The following GDA variants were observed in gnomAD, a reference collection of about 807,000 sequenced individuals.
GDA encodes the protein guanine deaminase, also known as cytoplasmic PSD-95 interactor.
GDA carries 18 observed loss-of-function variants against 59.6 expected under a neutral mutation model. That is an observed-to-expected ratio of 0.30 (90% CI 0.21 to 0.45). GDA has a LOEUF of 0.45. Among genes scored for constraint, GDA ranks in the 20% least tolerant of loss-of-function variants. The probability of loss-of-function intolerance (pLI) is 1.00; values close to 1 mark genes in which losing one functional copy is unlikely to be tolerated. For synonymous variants in GDA, 201 were observed against 201.1 expected (o/e 1.00, Z 0.00); for missense variants, 427 against 552.3 (o/e 0.77, Z 2.27).
rs956733279 is a variant in GDA, at chr9:72,132,507, T to C, written c.-100+17674T>C. Among the ~76,000 whole-genome samples the C allele has an allele frequency of 2.6e-5, 4 of 152,276 alleles. No homozygotes were observed. The South Asian group carries it at 6.2e-4, about 24-fold the overall frequency. ...ACAGTGAAGAGAGGGAAGACTTGTT[T>C]GGCATGTCTTCTGTCCTGCCCAATT... On this transcript the variant is annotated intron_variant, in intron 1 of 13. Coordinates refer to the GDA transcript ENST00000545168.
chr9:72,249,818 A>G lies in GDA; in HGVS notation c.*1476A>G. 1.1e-6 allele frequency: 1 copy of G among 899,630 alleles called. No homozygotes were observed. The highest frequency in any genetic ancestry group is 1.3e-6 in the Non-Finnish European group (1 of 751,830). The allele number at this position is 899,630 out of a possible 1,614,324, so 55.7% of individuals were successfully genotyped here. On this transcript the variant is annotated 3_prime_UTR_variant, in exon 14 of 14. Transcript: ENST00000358399. ...AGTAGAAACTTTATGTAATATAGCT[A>G]ACTCCGTATTTACAGAACAAAAAAA... is the stretch of plus-strand genomic sequence containing the variant.
At chr9:72,134,471 G>A (rs1215806055) in intron 1 of GDA, among the ~76,000 whole-genome samples, 2 of 150,664 alleles carry the variant, frequency 1.3e-5, no homozygotes, top group Non-Finnish European at 3.0e-5. Context: ...GTGTGATCTC[G>A]GCTCACTGCA....
chr9:72,151,760 C>A (rs892109530), intron 1 of GDA, among the ~76,000 whole-genome samples: 7 of 151,824 alleles, frequency 4.6e-5, no homozygotes, highest in African/African-American at 1.5e-4. Context: ...GGCGCCACCA[C>A]GCCCCACTGA....
At chr9:72,144,470 A>G (rs1335623101), upstream of GDA, among the ~76,000 whole-genome samples, 2 of 152,228 alleles carry the variant, frequency 1.3e-5, no homozygotes, top group Non-Finnish European at 2.9e-5. Flanking sequence ...GAGAAAATAT[A>G]TTAGTTCCAT....
At chr9:72,166,457 G>A (rs1341591330) in intron 1 of GDA, among the ~76,000 whole-genome samples, 1 of 151,824 alleles carries the variant, frequency 6.6e-6, no homozygotes, top group Non-Finnish European at 1.5e-5. Flanking sequence ...TTAGTCAGTG[G>A]GTAGAAGGGC....
At position 72,223,220 on chromosome 9, in the gene GDA, A is replaced by C; in HGVS notation, c.707A>C (p.His236Pro). 6.3e-7 allele frequency: 1 copy of C among 1,591,436 alleles called. No individual in the cohort carries two copies. Among genetic ancestry groups the C allele is most frequent in the South Asian group, 1.1e-5 (1 of 90,564 alleles). Residue 236 changes from histidine to proline, a missense_variant, in exon 7 of 14, where the codon CAC becomes CCC. His to Pro is a moderately conservative substitution (Grantham distance 77, BLOSUM62 -2). Coordinates refer to ENST00000358399, the MANE Select transcript of GDA (RefSeq NM_004293.5). ...LGNIAKTRDL[H>P]IQSHISENRD... ...AACATTGCTAAAACCCGTGATTTGC[A>C]CATTCAGGTGGGTATTCTTCTTCTC...
Position 72,149,474 on chromosome 9 carries a change from C to T in GDA, c.-86C>T. 7 of 1,499,164 alleles carry T rather than the reference C, an allele frequency of 4.7e-6. No individual in the cohort carries two copies. The highest frequency in any genetic ancestry group is 6.3e-6 in the Non-Finnish European group (7 of 1,111,032). The allele number at this position is 1,499,164 out of a possible 1,614,324, so 92.9% of individuals were successfully genotyped here. On this transcript the variant is annotated 5_prime_UTR_variant, in exon 1 of 14. Transcript: ENST00000358399. ...CCGGAGCCTGTGTCCGCCCGGCAGC[C>T]GCCCGCAGCTGCAGAGAGTCCCGCT...
chr9:72,149,734 A>C (rs1174262332), intron 1 of GDA, 52 bp downstream of exon 1: 5 of 1,527,700 alleles, frequency 3.3e-6, no homozygotes, highest in Non-Finnish European at 4.4e-6. Context: ...GATAGGTGCA[A>C]GGAACCTGGC....
downstream of GDA, among the ~76,000 whole-genome samples, chr9:72,259,081 G>A (rs1587829492): frequency 6.6e-6 from 1 of 150,580 alleles, no homozygotes; most frequent in African/African-American, 2.5e-5. Flanking sequence ...CTGGAGTGCA[G>A]TGGTACGATC....
intron 10 of GDA, among the ~76,000 whole-genome samples, chr9:72,233,592 G>T (rs927619370): frequency 6.6e-6 from 1 of 152,148 alleles, no homozygotes; most frequent in East Asian, 1.9e-4. Flanking sequence ...ATATGACCCA[G>T]CAATTTTACT....
intron 3 of GDA, among the ~76,000 whole-genome samples, chr9:72,206,444 T>C (rs1232555539): frequency 6.6e-6 from 1 of 152,198 alleles, no homozygotes; most frequent in African/African-American, 2.4e-5. Context: ...TATCTCAATT[T>C]AATTCCAGTT....
chr9:72,201,112 C>A lies in GDA; in HGVS notation c.213-1459C>A, dbSNP rs1364565699. 3.3e-5 allele frequency among the ~76,000 whole-genome samples: 5 copies of A among 151,948 alleles called. No individual in the cohort carries two copies. The South Asian group carries it at 8.3e-4, about 25-fold the overall frequency. On this transcript the variant is annotated intron_variant, in intron 2 of 13. Transcript: ENST00000358399. ...CCATTATCTAGGCATTGTTCTTACA[C>A]ACACTAAATACATCCTCATGACAGC...
intron 1 of GDA, among the ~76,000 whole-genome samples, chr9:72,124,529 G>A (rs1022960507): frequency 2.6e-5 from 4 of 152,062 alleles, no homozygotes; most frequent in Admixed American, 6.6e-5. Flanking sequence ...CCAATAATAT[G>A]TAGAAAAAAG....
chr9:72,175,488 G>A (rs1830442546), intron 1 of GDA, among the ~76,000 whole-genome samples: 1 of 152,204 alleles, frequency 6.6e-6, no homozygotes, highest in South Asian at 2.1e-4. Flanking sequence ...TGTTGACTTT[G>A]AGAAACACAA....
At chr9:72,170,235 G>A (rs575026328) in intron 1 of GDA, among the ~76,000 whole-genome samples, 2 of 152,108 alleles carry the variant, frequency 1.3e-5, no homozygotes, top group Non-Finnish European at 2.9e-5. Flanking sequence ...AACCAAGTGC[G>A]GTAGCTTCTG....
intron 1 of GDA, among the ~76,000 whole-genome samples, chr9:72,142,961 G>T (rs1394534170): frequency 1.3e-5 from 2 of 151,416 alleles, no homozygotes; most frequent in African/African-American, 2.4e-5. Flanking sequence ...TAGAGACAGG[G>T]TTTCTCCATG....
intron 1 of GDA, among the ~76,000 whole-genome samples, chr9:72,119,114 A>G (rs1825570934): frequency 6.6e-6 from 1 of 152,216 alleles, no homozygotes; most frequent in Non-Finnish European, 1.5e-5. Context: ...AATTATCTAT[A>G]AAGATGTTAT....
chr9:72,182,118 A>G (rs1831302963), intron 1 of GDA, among the ~76,000 whole-genome samples: 1 of 152,166 alleles, frequency 6.6e-6, no homozygotes, highest in South Asian at 2.1e-4. Context: ...AAAAATAAGG[A>G]CACTGCCTTA....
At chr9:72,217,945 C>T (rs534102961) in intron 5 of GDA, among the ~76,000 whole-genome samples, 22 of 151,240 alleles carry the variant, frequency 1.5e-4, no homozygotes, top group Admixed American at 1.3e-4. Flanking sequence ...ATGGAGTCTT[C>T]TTCTGTAGCC....
Sources: gnomAD v4.1 joint callset for allele counts (sites outside exome capture counted in the v4.1 genomes callset) on GRCh38, gnomAD v4.1.1 for gene constraint, MANE v1.5 for transcripts, NCBI Gene and HGNC (gene_info 2026-07-23, HGNC 2026-07-21) for gene names.